Variants in CPSF6 observed in about 807,000 individuals in gnomAD.
CPSF6 encodes the protein cleavage and polyadenylation specificity factor subunit 6.
A neutral mutation model predicts 56.7 loss-of-function variants in CPSF6; 10 were observed. The ratio of observed to expected loss-of-function variants is 0.18; its 90% confidence interval spans 0.11 to 0.30. The LOEUF (loss-of-function observed/expected upper bound fraction) is 0.30. Ranked by LOEUF, CPSF6 falls within the 10% of genes least tolerant of loss-of-function variation. The pLI, the probability that CPSF6 is intolerant of heterozygous loss-of-function variation, is 1.00. For synonymous variants in CPSF6, 248 were observed against 244.8 expected, an observed-to-expected ratio of 1.01 and a Z score of -0.12; for missense variants, 419 against 722.9, an observed-to-expected ratio of 0.58 and a Z score of 4.82.
In CPSF6 at chr12:69,260,025, C is replaced by T. The variant is rs745511074; in HGVS notation, c.1316-19C>T. ...AAACAAAATTTGTTTGACTTCAAAC[C>T]CTTTCCTTTCCCTCACAGGTGATTA... is the stretch of plus-strand genomic sequence containing the variant. On this transcript the variant is annotated intron_variant, in intron 7 of 9. Transcript: ENST00000435070. 1 of 1,607,650 alleles carries T rather than the reference C, an allele frequency of 6.2e-7. No homozygotes were observed. The highest frequency in any genetic ancestry group is 8.5e-7 in the Non-Finnish European group (1 of 1,178,326).
chr12:69,259,358 C>T (rs933865414), intron 6 of CPSF6, 70 bp from the exon 7 acceptor site: 4 of 1,550,168 alleles, frequency 2.6e-6, no homozygotes, highest in Non-Finnish European at 3.5e-6. Context: ...GTATGAATTG[C>T]TATACACTGT....
intron 4 of CPSF6, among the ~76,000 whole-genome samples, chr12:69,257,347 G>A (rs952464316): frequency 1.3e-5 from 2 of 152,210 alleles, no homozygotes; most frequent in African/African-American, 4.8e-5. Flanking sequence ...GTAATTAACA[G>A]AAATTCAAGT....
chr12:69,259,535 C>G lies in CPSF6; in HGVS notation c.1307C>G (p.Ala436Gly). 1.2e-6 allele frequency: 2 copies of G among 1,610,018 alleles called. No homozygotes were observed. The highest frequency in any genetic ancestry group is 1.7e-6 in the Non-Finnish European group (2 of 1,178,336). ...GCTATTTCGAGAGCTGTGTCTGATG[C>G]CAGTGCTGGTTTGTGTATTTCTTGT... ...SSAISRAVSD[A>G]SAGDYGSAIE... The change falls in exon 7 of 10, where the codon GCC becomes GGC. Residue 436 changes from alanine (A) to glycine (G), a missense_variant. Physicochemically the swap from Ala to Gly is moderately conservative, Grantham distance 60. Transcript: ENST00000435070.
chr12:69,262,648 C>A, intron 9 of CPSF6, 86 bp downstream of exon 9: 1 of 1,308,514 alleles, frequency 7.6e-7, no homozygotes, highest in Non-Finnish European at 1.0e-6. Context: ...CAGTATATAC[C>A]TACATTTTAA....
intron 9 of CPSF6, among the ~76,000 whole-genome samples, chr12:69,265,082 A>AT (rs1012882606): frequency 2.0e-5 from 3 of 151,594 alleles, no homozygotes; most frequent in South Asian, 2.1e-4. Flanking sequence ...TCCCATCTTA[A>AT]TTTTTTTTTG....
intron 1 of CPSF6, among the ~76,000 whole-genome samples, chr12:69,249,162 G>GGT (rs1872090237): frequency 1.4e-5 from 1 of 72,486 alleles, no homozygotes; most frequent in Non-Finnish European, 3.0e-5. Context: ...CGGGGGGGGG[G>GGT]GGGGGGGCTG....
rs1872648499 is a variant in CPSF6, at chr12:69,259,348, G to A, written c.1200-80G>A. 8.0e-6 allele frequency: 12 copies of A among 1,503,902 alleles called. No homozygotes were observed. The South Asian group carries it at 1.6e-4, about 20-fold the overall frequency. 93.2% of individuals were successfully genotyped at this position (1,503,902 alleles called of 1,614,324 possible). A position where few individuals can be genotyped will look rare whatever the true frequency, so the allele number is the denominator to read the frequency against. The stretch of plus-strand genomic sequence containing the variant: ...CTAAAGCACATGTCAGAAGCAGCTA[G>A]TATGAATTGCTATACACTGTTGTGA... On this transcript the variant is annotated intron_variant, in intron 6 of 9. Coordinates refer to ENST00000435070, the MANE Select transcript of CPSF6 (RefSeq NM_007007.3).
chr12:69,259,242 T>TAA, intron 6 of CPSF6, 148 bp downstream of exon 6: 1 of 1,231,564 alleles, frequency 8.1e-7, no homozygotes, highest in Non-Finnish European at 1.1e-6. Flanking sequence ...AGCTGAAAGA[T>TAA]ACTGGTATAG....
In CPSF6 at chr12:69,273,282, T is replaced by A. The variant is rs1186489960; in HGVS notation, c.*3774T>A. ...TTTGTCTTAACCAATGTTCTTTTTT[T>A]AGAATTTCAGGTTGTGGCATTCACT... On this transcript the variant is annotated 3_prime_UTR_variant, in exon 10 of 10. Transcript: ENST00000435070. 2 of 390,684 alleles carry A rather than the reference T, an allele frequency of 5.1e-6. No homozygotes were observed. The highest frequency in any genetic ancestry group is 4.2e-5 in the African/African-American group (2 of 47,534). The allele number at this position is 390,684 out of a possible 1,614,324, so 24.2% of individuals were successfully genotyped here. A position where few individuals can be genotyped will look rare whatever the true frequency, so the allele number is the denominator to read the frequency against.
chr12:69,260,007 ATTTG>A, intron 7 of CPSF6, 33 bp from the exon 8 acceptor site: 2 of 1,601,106 alleles, frequency 1.2e-6, no homozygotes, highest in Non-Finnish European at 1.7e-6. Flanking sequence ...TGAAAACAAA[ATTTG>A]TTTGACTTCA....
chr12:69,254,630 C>T (rs1000401484), intron 3 of CPSF6, among the ~76,000 whole-genome samples: 8 of 152,104 alleles, frequency 5.3e-5, no homozygotes, highest in Non-Finnish European at 1.2e-4. Context: ...TGGTACCTTG[C>T]GTATAAGAAG....
chr12:69,241,336 A>G (rs1391146550), intron 1 of CPSF6, among the ~76,000 whole-genome samples: 2 of 152,258 alleles, frequency 1.3e-5, no homozygotes, highest in East Asian at 1.9e-4. Context: ...TCTAACGCTT[A>G]TAAGACCTCT....
chr12:69,270,473 TG>T lies in CPSF6; in HGVS notation c.*967del, dbSNP rs1294593268. On this transcript the variant is annotated 3_prime_UTR_variant, in exon 10 of 10. Transcript: ENST00000435070. ...TTACTTGCTGTTTTTATTGATCTTA[TG>T]GTTTATTTCTTAAGCCATAGTCAGT... The T allele has an allele frequency of 6.6e-6, 1 of 151,834 alleles. No individual in the cohort carries two copies. The highest frequency in any genetic ancestry group is 2.4e-5 in the African/African-American group (1 of 41,420). 9.4% of individuals were successfully genotyped at this position (151,834 alleles called of 1,614,324 possible).
chr12:69,259,882 G>T (rs1872672564), intron 7 of CPSF6, 162 bp from the exon 8 acceptor site: 1 of 240,794 alleles, frequency 4.2e-6, no homozygotes, highest in Non-Finnish European at 6.7e-6. Flanking sequence ...AGCATGAAAG[G>T]CTTTTGCAAA....
chr12:69,240,686 C>G (rs2120391275), intron 1 of CPSF6, among the ~76,000 whole-genome samples: 1 of 150,202 alleles, frequency 6.7e-6, no homozygotes, highest in South Asian at 2.1e-4. Context: ...GTTAAATCCC[C>G]CCACCCCCAC....
rs548477892 is a variant in CPSF6, at chr12:69,249,152, CGGGGGGG to C, written c.61-1966_61-1960del. Among the ~76,000 whole-genome samples the C allele has an allele frequency of 9.6e-4, 16 of 16,618 alleles. 1 individual carries two copies. Among genetic ancestry groups the C allele is most frequent in the African/African-American group, 4.3e-3 (12 of 2,772 alleles). The allele number at this position is 16,618 out of a possible 152,430, so 10.9% of individuals were successfully genotyped here. ...GCGGGCGCCTGTAGTCCCAGCTACT[CGGGGGGG>C]GGGGGGGGGGCTGAGGCAGGAGAAT... On this transcript the variant is annotated intron_variant, in intron 1 of 9. Transcript: ENST00000435070.
intron 4 of CPSF6, among the ~76,000 whole-genome samples, chr12:69,257,448 T>C (rs958264759): frequency 2.6e-5 from 4 of 152,194 alleles, no homozygotes; most frequent in African/African-American, 7.2e-5. Context: ...AATTAAGATA[T>C]CTGTTGAAGA....
chr12:69,262,625 GCTA>G (rs1872795765), intron 9 of CPSF6, 63 bp downstream of exon 9: 8 of 1,521,776 alleles, frequency 5.3e-6, no homozygotes, highest in Non-Finnish European at 6.2e-6. Flanking sequence ...TAACTCCAAG[GCTA>G]CTGTTTATAC....
At chr12:69,249,110 A>T (rs898778526) in intron 1 of CPSF6, among the ~76,000 whole-genome samples, 1 of 128,090 alleles carries the variant, frequency 7.8e-6, no homozygotes, top group Non-Finnish European at 1.6e-5. Flanking sequence ...AATACAAGAA[A>T]TTAGCTGGGC....
Sources: gnomAD v4.1 joint callset for allele counts (sites outside exome capture counted in the v4.1 genomes callset) on GRCh38, gnomAD v4.1.1 for gene constraint, MANE v1.5 for transcripts, NCBI Gene and HGNC (gene_info 2026-07-23, HGNC 2026-07-21) for gene names.